The following NEO1 variants were observed in gnomAD, a reference collection of about 807,000 sequenced individuals.
The protein encoded by NEO1 is neogenin 1, also known as neogenin.
Under a neutral mutation model 159.7 loss-of-function variants are expected in NEO1, and 63 were observed. The ratio of observed to expected loss-of-function variants is 0.39; its 90% CI spans 0.32 to 0.49. The LOEUF is 0.49. Ranked by LOEUF, NEO1 falls within the 20% of genes least tolerant of loss-of-function variation. The pLI, the probability that NEO1 is intolerant of heterozygous loss-of-function variation, is 0.85. For synonymous variants in NEO1, 633 were observed against 662.0 expected, an observed-to-expected ratio of 0.96 and a Z score of 0.67; for missense variants, 1,615 against 1,831.0, an observed-to-expected ratio of 0.88 and a Z score of 2.15.
chr15:73,224,786 T>C (rs1342645774), intron 7 of NEO1, among the ~76,000 whole-genome samples: 1 of 152,170 alleles, frequency 6.6e-6, no homozygotes, highest in African/African-American at 2.4e-5. Context: ...ATTAACCTCC[T>C]GCATTCTTTT....
rs2042452809 is a variant in NEO1, at chr15:73,298,168, A to G, written c.3902-180A>G. 4 of 707,712 alleles carry G rather than the reference A, an allele frequency of 5.7e-6. 1 individual carries two copies. Among genetic ancestry groups the G allele is most frequent in the Middle Eastern group, 5.1e-4 (2 of 3,918 alleles). 43.8% of individuals were successfully genotyped at this position (707,712 alleles called of 1,614,324 possible). A position where few individuals can be genotyped will look rare whatever the true frequency, so the allele number is the denominator to read the frequency against. On this transcript the variant is annotated intron_variant, in intron 26 of 28. Transcript: ENST00000261908. ...AAACTGGAATAGCTGGTTGAGTACAAAATTGTTCGAGACTCCATTCTTATC... is the reference window on the plus strand; with the variant it reads ...AAACTGGAATAGCTGGTTGAGTACAGAATTGTTCGAGACTCCATTCTTATC...
intron 1 of NEO1, among the ~76,000 whole-genome samples, chr15:73,086,147 A>G (rs891243179): frequency 6.6e-6 from 1 of 152,084 alleles, no homozygotes; most frequent in African/African-American, 2.4e-5. Context: ...TTGCATATGG[A>G]TATCCAGTTG....
At chr15:73,276,018 C>G (rs2041404328) in intron 21 of NEO1, among the ~76,000 whole-genome samples, 1 of 152,270 alleles carries the variant, frequency 6.6e-6, no homozygotes, top group African/African-American at 2.4e-5. Flanking sequence ...GTCTTTTGCA[C>G]TACATTGGAG....
At chr15:73,220,064 G>A (rs1373156851) in intron 7 of NEO1, among the ~76,000 whole-genome samples, 1 of 152,094 alleles carries the variant, frequency 6.6e-6, no homozygotes, top group African/African-American at 2.4e-5. Flanking sequence ...GCTGGTACCG[G>A]TTGTTCCTTT....
rs1198758943 is a variant in NEO1, at chr15:73,189,317, A to G, written c.1291+10890A>G. On this transcript the variant is annotated intron_variant, in intron 7 of 28. Transcript: ENST00000261908. The stretch of plus-strand genomic sequence containing the variant: ...CTCTGTAAGACCTGAGTACATGAAA[A>G]CTAGGCTGCCTGTATAGTCGGGTTT... 2.6e-5 allele frequency among the ~76,000 whole-genome samples: 4 copies of G among 152,248 alleles called. No homozygotes were observed. The East Asian group carries it at 5.8e-4, about 22-fold the overall frequency.
intron 1 of NEO1, among the ~76,000 whole-genome samples, chr15:73,108,858 C>A (rs11856433): frequency 0.13 from 20,071 of 152,036 alleles, 2,045 homozygotes; most frequent in African/African-American, 0.28. Flanking sequence ...CATGCGGAGG[C>A]CCCAGCGTGA....
chr15:73,067,375 CTGTT>C (rs2151290365), intron 1 of NEO1, among the ~76,000 whole-genome samples: 1 of 151,628 alleles, frequency 6.6e-6, no homozygotes, highest in Admixed American at 6.6e-5. Flanking sequence ...TTTCAAATGT[CTGTT>C]TGTGGTGACC....
chr15:73,225,675 G>T (rs2038543563), intron 7 of NEO1, among the ~76,000 whole-genome samples: 1 of 152,150 alleles, frequency 6.6e-6, no homozygotes, highest in African/African-American at 2.4e-5. Context: ...TCTGCCAGCA[G>T]TTGGGGAGCC....
At chr15:73,119,398 A>G (rs1278255723) in intron 2 of NEO1, among the ~76,000 whole-genome samples, 1 of 152,326 alleles carries the variant, frequency 6.6e-6, no homozygotes, top group East Asian at 1.9e-4. Context: ...TTTTGAAAGA[A>G]CATTAAATAG....
intron 1 of NEO1, among the ~76,000 whole-genome samples, chr15:73,057,266 A>G (rs2067752514): frequency 6.6e-6 from 1 of 152,110 alleles, no homozygotes; most frequent in Admixed American, 6.5e-5. Flanking sequence ...TTTTGGCTTA[A>G]TTGATCATTG....
chr15:73,204,345 G>A (rs746390572), intron 7 of NEO1, among the ~76,000 whole-genome samples: 2 of 151,968 alleles, frequency 1.3e-5, no homozygotes, highest in African/African-American at 4.8e-5. Context: ...CAGCTTCTTG[G>A]ATCTGTGGTT....
chr15:73,094,942 G>A (rs1195654813), intron 1 of NEO1, among the ~76,000 whole-genome samples: 1 of 152,152 alleles, frequency 6.6e-6, no homozygotes, highest in African/African-American at 2.4e-5. Context: ...TGGGCACGGT[G>A]GCTCACACCT....
In NEO1 at chr15:73,244,414, G is replaced by A. The variant is rs200297567; in HGVS notation, c.1522G>A (p.Val508Met). The change falls in exon 9 of 29, where the codon GTG (valine) becomes ATG (methionine). Residue 508 changes from valine (V) to methionine (M), a missense_variant. By Grantham distance (21) the Val-to-Met change is conservative (BLOSUM62 1). This residue lies in a region of NEO1 where 1,018 missense variants were observed against 1,115.4 expected (regional missense o/e 0.91). Coordinates refer to ENST00000261908, the MANE Select transcript of NEO1 (RefSeq NM_002499.4). The part of the protein sequence containing the change: ...VTIQNLMPAT[V>M]YIFRVMAQNK... ...CATTCAAAACCTAATGCCAGCGACCGTGTACATCTTTAGAGTTATGGCTCA... is the reference window on the plus strand; with the variant it reads ...CATTCAAAACCTAATGCCAGCGACCATGTACATCTTTAGAGTTATGGCTCA... 1.7e-5 allele frequency: 27 copies of A among 1,613,934 alleles called. No homozygotes were observed. The highest frequency in any genetic ancestry group is 1.6e-4 in the East Asian group (7 of 44,850).
chr15:73,238,023 T>C (rs2039277672), intron 8 of NEO1, among the ~76,000 whole-genome samples: 1 of 152,134 alleles, frequency 6.6e-6, no homozygotes, highest in Non-Finnish European at 1.5e-5. Flanking sequence ...AGCCCCTCGG[T>C]GACTGTCACA....
chr15:73,077,907 A>G (rs901313311), intron 1 of NEO1, among the ~76,000 whole-genome samples: 2 of 152,174 alleles, frequency 1.3e-5, no homozygotes, highest in Non-Finnish European at 2.9e-5. Context: ...GGCTGGGTAC[A>G]TGGTTCCTCT....
At chr15:73,089,362 G>GA (rs1283922939) in intron 1 of NEO1, among the ~76,000 whole-genome samples, 3 of 151,924 alleles carry the variant, frequency 2.0e-5, no homozygotes, top group Non-Finnish European at 4.4e-5. Flanking sequence ...GTATCTTAGA[G>GA]AAAAAATATC....
chr15:73,287,938 C>G (rs1390554799), intron 23 of NEO1, among the ~76,000 whole-genome samples: 1 of 151,868 alleles, frequency 6.6e-6, no homozygotes, highest in Non-Finnish European at 1.5e-5. Flanking sequence ...GACTTTCCCT[C>G]TACTCCATTG....
chr15:73,288,235 G>A (rs2042024152), intron 23 of NEO1, 78 bp from the exon 24 acceptor site: 3 of 1,382,962 alleles, frequency 2.2e-6, no homozygotes, highest in Admixed American at 4.1e-5. Context: ...CAGAAAGGAA[G>A]TTTTAATCAC....
At chr15:73,302,235 GT>G (rs769015288) in intron 28 of NEO1, among the ~76,000 whole-genome samples, 1 of 152,220 alleles carries the variant, frequency 6.6e-6, no homozygotes, top group Non-Finnish European at 1.5e-5. Flanking sequence ...CAGTAAAAAT[GT>G]TTTGCCTCTG....
Sources: allele counts gnomAD v4.1 joint callset (sites outside exome capture counted in the v4.1 genomes callset), GRCh38; gene constraint gnomAD v4.1.1; regional missense constraint gnomAD v4.1.1; transcripts MANE v1.5; gene names NCBI Gene and HGNC (gene_info 2026-07-23, HGNC 2026-07-21).